The following ARHGAP24 variants were observed in gnomAD, a reference collection of about 807,000 sequenced individuals.
The protein encoded by ARHGAP24 is Rho GTPase activating protein 24, also known as rho GTPase-activating protein 24.
Under a neutral mutation model 76.4 loss-of-function variants are expected in ARHGAP24, and 50 were observed. The observed-to-expected ratio is 0.65, with a 90% CI of 0.52 to 0.83. The LOEUF is 0.83. Among genes scored for constraint, ARHGAP24 ranks in the 40% least tolerant of loss-of-function variants. The probability of loss-of-function intolerance (pLI) is 0.00; values close to 1 mark genes in which losing one functional copy is unlikely to be tolerated. For synonymous variants in ARHGAP24, 345 were observed against 323.3 expected (o/e 1.07, Z -0.72); for missense variants, 930 against 914.2 (o/e 1.02, Z -0.22).
At chr4:85,594,819 T>C (rs1208640640) in intron 2 of ARHGAP24, among the ~76,000 whole-genome samples, 1 of 152,058 alleles carries the variant, frequency 6.6e-6, no homozygotes, top group East Asian at 1.9e-4. Flanking sequence ...TAAAATATTG[T>C]TTAAAATTTA....
At chr4:85,873,721 T>C (rs377200844) in intron 3 of ARHGAP24, among the ~76,000 whole-genome samples, 1 of 152,192 alleles carries the variant, frequency 6.6e-6, no homozygotes. Context: ...AGTATACCCA[T>C]CTTATGTTTC....
intron 2 of ARHGAP24, among the ~76,000 whole-genome samples, chr4:85,624,145 G>C (rs538855176): frequency 3.3e-4 from 51 of 152,254 alleles, no homozygotes; most frequent in African/African-American, 1.2e-3. Flanking sequence ...TGGTGAGAGA[G>C]GGCATCCCTG....
chr4:85,655,793 A>ATATATATATATATATATATG (rs1491385228), intron 2 of ARHGAP24, among the ~76,000 whole-genome samples: 1 of 27,496 alleles, frequency 3.6e-5, no homozygotes, highest in African/African-American at 1.6e-4. Context: ...ATATATATAT[A>ATATATATATATATATATATG]GAGAGAGAGA....
intron 2 of ARHGAP24, among the ~76,000 whole-genome samples, chr4:85,694,856 C>A (rs1373896685): frequency 6.6e-6 from 1 of 152,174 alleles, no homozygotes; most frequent in Admixed American, 6.5e-5. Flanking sequence ...TGCTTTTTAG[C>A]TATGACGCTC....
intron 2 of ARHGAP24, among the ~76,000 whole-genome samples, chr4:85,631,087 G>C (rs1721143850): frequency 6.6e-6 from 1 of 152,058 alleles, no homozygotes; most frequent in African/African-American, 2.4e-5. Flanking sequence ...TAAGTGTATG[G>C]TTGAGTTTAT....
At chr4:85,837,573 G>A (rs1295834400) in intron 3 of ARHGAP24, among the ~76,000 whole-genome samples, 1 of 152,108 alleles carries the variant, frequency 6.6e-6, no homozygotes, top group Non-Finnish European at 1.5e-5. Context: ...GAGTCATCTT[G>A]GGCAAATGCT....
At chr4:85,712,971 C>T (rs1459834030) in intron 2 of ARHGAP24, among the ~76,000 whole-genome samples, 2 of 152,216 alleles carry the variant, frequency 1.3e-5, no homozygotes, top group Non-Finnish European at 2.9e-5. Context: ...CTGTGCAACC[C>T]TGCCGTCTCC....
intron 1 of ARHGAP24, among the ~76,000 whole-genome samples, chr4:85,520,985 C>T (rs549370917): frequency 3.3e-5 from 5 of 152,140 alleles, no homozygotes; most frequent in Admixed American, 2.0e-4. Flanking sequence ...AAGTCTATGC[C>T]AAATTTATAG....
chr4:85,913,975 A>G (rs1735225036), intron 3 of ARHGAP24, among the ~76,000 whole-genome samples: 1 of 152,192 alleles, frequency 6.6e-6, no homozygotes. Context: ...AAGAGGTATA[A>G]TGAATCTGTA....
chr4:85,622,582 C>G (rs1192244228), intron 2 of ARHGAP24, among the ~76,000 whole-genome samples: 1 of 152,014 alleles, frequency 6.6e-6, no homozygotes, highest in Non-Finnish European at 1.5e-5. Flanking sequence ...TTTATAGCAG[C>G]ATGATTTATA....
At chr4:85,878,426 T>A (rs932871018) in intron 3 of ARHGAP24, among the ~76,000 whole-genome samples, 20 of 152,154 alleles carry the variant, frequency 1.3e-4, no homozygotes, top group African/African-American at 4.8e-4. Context: ...AGCCAGCCAA[T>A]TTTTAGTGTT....
At chr4:85,913,292 T>A (rs1215068491) in intron 3 of ARHGAP24, among the ~76,000 whole-genome samples, 2 of 151,676 alleles carry the variant, frequency 1.3e-5, no homozygotes, top group African/African-American at 4.8e-5. Context: ...ACAGCTCCTG[T>A]AAAGTTGTTC....
At chr4:85,856,965 C>T (rs1292145028) in intron 3 of ARHGAP24, among the ~76,000 whole-genome samples, 1 of 152,030 alleles carries the variant, frequency 6.6e-6, no homozygotes, top group East Asian at 1.9e-4. Context: ...TCATAAACAT[C>T]TCGTGAATGT....
intron 3 of ARHGAP24, among the ~76,000 whole-genome samples, chr4:85,763,464 C>T (rs886725368): frequency 7.4e-5 from 9 of 122,058 alleles, no homozygotes; most frequent in Non-Finnish European, 1.5e-4. Context: ...GAGGGAACAC[C>T]TACCAACAAC....
At chr4:85,724,420 C>T (rs539027042) in intron 3 of ARHGAP24, among the ~76,000 whole-genome samples, 9 of 151,080 alleles carry the variant, frequency 6.0e-5, no homozygotes, top group African/African-American at 2.2e-4. Context: ...CATACGTACA[C>T]ATTTGTGTGT....
intron 3 of ARHGAP24, among the ~76,000 whole-genome samples, chr4:85,840,584 T>A (rs748836927): frequency 6.6e-6 from 1 of 152,220 alleles, no homozygotes; most frequent in Non-Finnish European, 1.5e-5. Context: ...TCCAGGGTTT[T>A]GCTTAGTTAG....
chr4:85,930,825 C>G, intron 4 of ARHGAP24: 1 of 1,571,774 alleles, frequency 6.4e-7, no homozygotes, highest in Non-Finnish European at 8.6e-7. Context: ...GGGATCAGCA[C>G]TTCAAAAATA....
chr4:85,649,999 C>T (rs77242084), intron 2 of ARHGAP24, among the ~76,000 whole-genome samples: 3,602 of 152,122 alleles, frequency 0.024, 159 homozygotes, highest in African/African-American at 0.082. Flanking sequence ...AGGACAAAAG[C>T]CTAGACTTTC....
At chr4:85,545,008 A>G (rs1725861769) in intron 1 of ARHGAP24, among the ~76,000 whole-genome samples, 1 of 152,022 alleles carries the variant, frequency 6.6e-6, no homozygotes, top group Non-Finnish European at 1.5e-5. Flanking sequence ...GACTGAATTA[A>G]CACTCACTAG....
Sources: gnomAD v4.1 joint callset for allele counts (sites outside exome capture counted in the v4.1 genomes callset) on GRCh38, gnomAD v4.1.1 for gene constraint, MANE v1.5 for transcripts, NCBI Gene and HGNC (gene_info 2026-07-23, HGNC 2026-07-21) for gene names.